The following BBS9 variants were observed in gnomAD, a reference collection of about 807,000 sequenced individuals.
BBS9 encodes the protein Bardet-Biedl syndrome 9.
BBS9 carries 89 observed loss-of-function variants against 117.7 expected under a neutral mutation model. The observed-to-expected ratio is 0.76, with a 90% confidence interval of 0.64 to 0.90. The LOEUF (loss-of-function observed/expected upper bound fraction) is 0.90, where lower values mean the gene tolerates loss of function less well. Among genes scored for constraint, BBS9 ranks in the 40% least tolerant of loss-of-function variants. The probability of loss-of-function intolerance (pLI) is 0.00; values close to 1 mark genes in which losing one functional copy is unlikely to be tolerated. For missense variants in BBS9, 982 were observed against 1,042.2 expected, an observed-to-expected ratio of 0.94 and a Z score of 0.80; for synonymous variants, 379 against 370.9, an observed-to-expected ratio of 1.02 and a Z score of -0.25.
intron 19 of BBS9, among the ~76,000 whole-genome samples, chr7:33,503,219 A>G (rs1022612781): frequency 6.6e-6 from 1 of 152,210 alleles, no homozygotes; most frequent in African/African-American, 2.4e-5. Flanking sequence ...AGGCAGAGAC[A>G]GCAGAGCGTT....
chr7:33,171,691 A>G (rs143640382), intron 4 of BBS9, among the ~76,000 whole-genome samples: 16 of 152,246 alleles, frequency 1.1e-4, no homozygotes, highest in African/African-American at 3.9e-4. Flanking sequence ...ACGTATACAG[A>G]CAAACTCATG....
intron 19 of BBS9, among the ~76,000 whole-genome samples, chr7:33,460,310 T>G (rs1343652923): frequency 2.6e-5 from 4 of 152,144 alleles, no homozygotes; most frequent in African/African-American, 7.2e-5. Context: ...TGGAATTTCT[T>G]GGCTTTATCT....
intron 21 of BBS9, among the ~76,000 whole-genome samples, chr7:33,566,155 A>G (rs998965799): frequency 3.3e-5 from 5 of 151,670 alleles, no homozygotes; most frequent in Admixed American, 6.6e-5. Context: ...TAGACACAAT[A>G]TTGATATACT....
intron 16 of BBS9, among the ~76,000 whole-genome samples, chr7:33,365,622 C>T (rs1821541813): frequency 6.6e-6 from 1 of 152,238 alleles, no homozygotes; most frequent in Admixed American, 6.5e-5. Context: ...GGCCAGTTTC[C>T]AGTGCCTGAT....
chr7:33,367,106 G>C (rs1011368399), intron 16 of BBS9, among the ~76,000 whole-genome samples: 1 of 152,006 alleles, frequency 6.6e-6, no homozygotes, highest in Non-Finnish European at 1.5e-5. Context: ...TTTTTTAGCT[G>C]GATTATTTCT....
At chr7:33,403,427 T>A (rs1409956992) in intron 19 of BBS9, among the ~76,000 whole-genome samples, 1 of 150,604 alleles carries the variant, frequency 6.6e-6, no homozygotes, top group Admixed American at 6.6e-5. Flanking sequence ...AACTCGTCAT[T>A]TAGCATTAGT....
intron 9 of BBS9, among the ~76,000 whole-genome samples, chr7:33,292,014 C>T (rs1431167327): frequency 6.6e-6 from 1 of 152,066 alleles, no homozygotes; most frequent in Non-Finnish European, 1.5e-5. Context: ...AGGGACCACC[C>T]TTATTCAGTT....
chr7:33,148,705 C>A (rs970950803), intron 2 of BBS9, among the ~76,000 whole-genome samples: 1 of 147,542 alleles, frequency 6.8e-6, no homozygotes, highest in Non-Finnish European at 1.5e-5. Context: ...TGCTCTGCTG[C>A]CCAGGATGGA....
chr7:33,602,268 T>G (rs1863911297), intron 21 of BBS9, among the ~76,000 whole-genome samples: 1 of 152,174 alleles, frequency 6.6e-6, no homozygotes, highest in African/African-American at 2.4e-5. Flanking sequence ...TCCTAGTTGG[T>G]GGGAGCAGAG....
intron 5 of BBS9, among the ~76,000 whole-genome samples, chr7:33,179,203 A>C (rs1797754296): frequency 6.6e-6 from 1 of 152,220 alleles, no homozygotes; most frequent in South Asian, 2.1e-4. Context: ...AAAAATTATA[A>C]CATGAGAAAA....
chr7:33,211,048 A>G (rs1387730408), intron 5 of BBS9, among the ~76,000 whole-genome samples: 1 of 151,840 alleles, frequency 6.6e-6, no homozygotes, highest in Non-Finnish European at 1.5e-5. Context: ...CTTTGATTTC[A>G]TTCTATGTGT....
At chr7:33,452,768 A>T (rs530264163) in intron 19 of BBS9, among the ~76,000 whole-genome samples, 2 of 152,360 alleles carry the variant, frequency 1.3e-5, no homozygotes, top group South Asian at 4.1e-4. Flanking sequence ...GTGGGAAGTA[A>T]CCACTGATAG....
chr7:33,588,407 C>T (rs1418101896), intron 21 of BBS9, among the ~76,000 whole-genome samples: 5 of 152,046 alleles, frequency 3.3e-5, no homozygotes, highest in Non-Finnish European at 7.4e-5. Context: ...TTTTGGTTTC[C>T]GTTGCTTCCT....
At chr7:33,470,422 A>G (rs1840837998) in intron 19 of BBS9, among the ~76,000 whole-genome samples, 1 of 151,890 alleles carries the variant, frequency 6.6e-6, no homozygotes, top group South Asian at 2.1e-4. Context: ...ATTGCTATTC[A>G]GCTTCTCTCC....
intron 21 of BBS9, among the ~76,000 whole-genome samples, chr7:33,594,620 CA>C (rs1161446353): frequency 1.3e-5 from 2 of 151,970 alleles, no homozygotes. Context: ...TATGACAACA[CA>C]GTGAAGAGTA....
intron 5 of BBS9, among the ~76,000 whole-genome samples, chr7:33,233,171 C>G (rs1792812543): frequency 6.6e-6 from 1 of 151,986 alleles, no homozygotes; most frequent in African/African-American, 2.4e-5. Context: ...TCTTGGCACC[C>G]ATTGTTTGGG....
chr7:33,307,151 A>G (rs1808194599), intron 9 of BBS9, among the ~76,000 whole-genome samples: 1 of 152,172 alleles, frequency 6.6e-6, no homozygotes, highest in South Asian at 2.1e-4. Context: ...CCTTTAAAGT[A>G]TCACTTAGTT....
At chr7:33,250,874 C>A (rs767362102) in intron 5 of BBS9, among the ~76,000 whole-genome samples, 1 of 152,152 alleles carries the variant, frequency 6.6e-6, no homozygotes, top group Non-Finnish European at 1.5e-5. Context: ...GATATGGTTT[C>A]TGCCTTTGAG....
At chr7:33,177,434 T>C (rs1350973199) in intron 4 of BBS9, 44 bp from the exon 5 acceptor site, 7 of 1,288,192 alleles carry the variant, frequency 5.4e-6, no homozygotes, top group Non-Finnish European at 7.9e-6. Flanking sequence ...TAATGTTTTT[T>C]AGTGTACACA....
Sources: allele counts gnomAD v4.1 joint callset (sites outside exome capture counted in the v4.1 genomes callset), GRCh38; gene constraint gnomAD v4.1.1; transcripts MANE v1.5; gene names NCBI Gene and HGNC (gene_info 2026-07-23, HGNC 2026-07-21).